INSL6: variants seen among roughly 807,000 people sequenced by gnomAD.
INSL6 encodes the protein insulin like 6.
Under a neutral mutation model 9.4 loss-of-function variants are expected in INSL6, and 16 were observed. The observed-to-expected ratio is 1.70, with a 90% CI of 1.15 to 2.59. The LOEUF is 2.59. INSL6 is among the 30% of genes most tolerant of loss of function. The pLI is 0.00. For synonymous variants in INSL6, 154 were observed against 96.9 expected, an observed-to-expected ratio of 1.59 and a Z score of -3.46; for missense variants, 391 against 257.3, an observed-to-expected ratio of 1.52 and a Z score of -3.56.
At chr9:5,046,550 TG>T in the INSL6 span, among the ~76,000 whole-genome samples, 3 of 152,212 alleles carry the variant, frequency 2.0e-5, no homozygotes, top group Non-Finnish European at 2.9e-5. Flanking sequence ...ATTTAGGCAT[TG>T]GGTCCATTTT....
intron 2 of INSL6, among the ~76,000 whole-genome samples, chr9:5,156,234 A>G (rs535084239): frequency 6.6e-6 from 1 of 152,240 alleles, no homozygotes; most frequent in South Asian, 2.1e-4. Context: ...TGCAAGCCAA[A>G]ATAACTTTAT....
the INSL6 span, chr9:5,111,034 G>C: frequency 2.3e-6 from 2 of 885,048 alleles, no homozygotes; most frequent in Non-Finnish European, 1.8e-6. Flanking sequence ...CTCCCTGGCC[G>C]GGGCGCAATT....
the INSL6 span, among the ~76,000 whole-genome samples, chr9:5,002,952 A>G: frequency 2.0e-5 from 3 of 151,988 alleles, no homozygotes; most frequent in African/African-American, 7.2e-5. Flanking sequence ...TTTGCCCCAT[A>G]TGAATAACCA....
At chr9:5,184,284 T>C (rs1825519052) in intron 1 of INSL6, among the ~76,000 whole-genome samples, 1 of 152,188 alleles carries the variant, frequency 6.6e-6, no homozygotes, top group Admixed American at 6.5e-5. Context: ...TTTTACAAGA[T>C]TTGTCCAAAT....
chr9:5,145,119 T>C (rs752833162), intron 2 of INSL6, among the ~76,000 whole-genome samples: 1 of 152,232 alleles, frequency 6.6e-6, no homozygotes, highest in Non-Finnish European at 1.5e-5. Context: ...CCTTTCCATA[T>C]TTAGTCCCTC....
At chr9:5,085,514 C>G in the INSL6 span, 2 of 717,016 alleles carry the variant, frequency 2.8e-6, no homozygotes, top group African/African-American at 3.5e-5. Context: ...TGAAGAAATT[C>G]ACCACACACC....
chr9:5,034,235 A>G, the INSL6 span, among the ~76,000 whole-genome samples: 1 of 152,232 alleles, frequency 6.6e-6, no homozygotes, highest in African/African-American at 2.4e-5. Context: ...ACCCAGATTC[A>G]TAAAGCAAGT....
the INSL6 span, chr9:5,089,799 T>A: frequency 6.3e-7 from 1 of 1,597,220 alleles, no homozygotes; most frequent in Admixed American, 1.7e-5. Context: ...AAAGGGAAAT[T>A]GAAATCCTGA....
At chr9:5,044,609 A>G in the INSL6 span, 44 of 793,614 alleles carry the variant, frequency 5.5e-5, no homozygotes, top group African/African-American at 5.9e-4. Flanking sequence ...AACTTTACAT[A>G]TGGGAAAATT....
chr9:5,080,657 G>C, the INSL6 span: 1 of 1,596,322 alleles, frequency 6.3e-7, no homozygotes, highest in Non-Finnish European at 8.5e-7. Context: ...GCCATCATAC[G>C]AGATCTTAAC....
At chr9:5,166,201 ATTTTTG>A (rs1240792162) in intron 1 of INSL6, among the ~76,000 whole-genome samples, 15 of 152,278 alleles carry the variant, frequency 9.9e-5, no homozygotes, top group Admixed American at 3.9e-4. Context: ...AAGGCAGAAG[ATTTTTG>A]TTTTTGTTTT....
the INSL6 span, among the ~76,000 whole-genome samples, chr9:5,058,227 T>G: frequency 6.6e-6 from 1 of 152,176 alleles, no homozygotes; most frequent in Non-Finnish European, 1.5e-5. Flanking sequence ...GTTCTCACAC[T>G]GCTATAAAGA....
At chr9:5,070,946 T>G in the INSL6 span, among the ~76,000 whole-genome samples, 1 of 152,130 alleles carries the variant, frequency 6.6e-6, no homozygotes. Flanking sequence ...ACCAGGACAC[T>G]TAAGTAAATA....
chr9:5,085,808 C>T, the INSL6 span: 2 of 758,318 alleles, frequency 2.6e-6, no homozygotes, highest in South Asian at 1.4e-5. Flanking sequence ...CCATTAGTAC[C>T]ACAATAATTG....
chr9:5,075,832 G>T, the INSL6 span, among the ~76,000 whole-genome samples: 2 of 152,104 alleles, frequency 1.3e-5, no homozygotes, highest in Non-Finnish European at 1.5e-5. Context: ...TGATTCCTCT[G>T]GTGGATCTGG....
chr9:5,123,108 A>G (rs1349849518), downstream of INSL6: 10 of 1,597,030 alleles, frequency 6.3e-6, no homozygotes, highest in South Asian at 3.4e-5. Context: ...GAGAAGAGTA[A>G]AAGTCCACCA....
At chr9:5,167,464 A>G (rs2130908481) in intron 1 of INSL6, among the ~76,000 whole-genome samples, 1 of 152,274 alleles carries the variant, frequency 6.6e-6, no homozygotes, top group Middle Eastern at 3.4e-3. Context: ...ATGGGGAGCA[A>G]TTCCCCCACA....
At chr9:5,032,133 A>G in the INSL6 span, among the ~76,000 whole-genome samples, 4 of 152,240 alleles carry the variant, frequency 2.6e-5, no homozygotes, top group African/African-American at 9.6e-5. Flanking sequence ...TCCTACGCCC[A>G]CGGAGCCTCG....
intron 1 of INSL6, among the ~76,000 whole-genome samples, chr9:5,177,577 T>C (rs150131119): frequency 1.3e-5 from 2 of 152,316 alleles, no homozygotes; most frequent in Non-Finnish European, 2.9e-5. Flanking sequence ...TGACAGTGCA[T>C]ATCCCAAGGA....
Sources: gnomAD v4.1 joint callset for allele counts (sites outside exome capture counted in the v4.1 genomes callset) on GRCh38, gnomAD v4.1.1 for gene constraint, MANE v1.5 for transcripts, NCBI Gene and HGNC (gene_info 2026-07-23, HGNC 2026-07-21) for gene names.